ALG1L2: variants seen among roughly 807,000 people sequenced by gnomAD.
The protein encoded by ALG1L2 is putative glycosyltransferase ALG1L2.
A neutral mutation model predicts 29.0 loss-of-function variants in ALG1L2; 32 were observed. The ratio of observed to expected loss-of-function variants is 1.10; its 90% CI spans 0.83 to 1.48. The LOEUF (loss-of-function observed/expected upper bound fraction) is 1.48, where lower values mean the gene tolerates loss of function less well. Ranked by LOEUF, ALG1L2 falls within the 40% of genes most tolerant of loss-of-function variation. ALG1L2 has a pLI of 0.00. For missense variants in ALG1L2, 318 were observed against 274.1 expected, an observed-to-expected ratio of 1.16 and a Z score of -1.13; for synonymous variants, 110 against 109.5, an observed-to-expected ratio of 1.00 and a Z score of -0.03.
At chr3:130,082,484 C>T (rs1422179327) in intron 1 of ALG1L2, among the ~76,000 whole-genome samples, 1 of 132,890 alleles carries the variant, frequency 7.5e-6, no homozygotes, top group Non-Finnish European at 1.8e-5. Flanking sequence ...ACTACAGCCA[C>T]CTGCCACCAC....
rs144927904 is a variant in ALG1L2, at chr3:130,082,724, G to A, written c.20+688G>A. Among the ~76,000 whole-genome samples the A allele has an allele frequency of 3.0e-4, 45 of 148,994 alleles. No homozygotes were observed. The South Asian group carries it at 6.0e-3, about 20-fold the overall frequency. Reference sequence around the variant, plus strand: ...GACACCAACAATATGAGTTACCCCCGTCCCTTGCCACCGCACTCCCCATGG... The same window carrying A: ...GACACCAACAATATGAGTTACCCCCATCCCTTGCCACCGCACTCCCCATGG... On this transcript the variant is annotated intron_variant, in intron 1 of 7. Coordinates refer to ENST00000425059, the MANE Select transcript of ALG1L2 (RefSeq NM_001136152.1).
intron 1 of ALG1L2, among the ~76,000 whole-genome samples, chr3:130,084,933 T>C (rs1441034869): frequency 4.6e-5 from 6 of 129,432 alleles, no homozygotes; most frequent in Non-Finnish European, 1.1e-4. Context: ...TGTATATATA[T>C]AGAGATATAT....
Position 130,082,042 on chromosome 3 carries a change from C to T in ALG1L2, c.20+6C>T. ...ATGGGAGCTACTGCAGGCTGGTAAGCAGGGGGGTGGTGCTGGTTGGATTGC... is the reference window on the plus strand; with the variant it reads ...ATGGGAGCTACTGCAGGCTGGTAAGTAGGGGGGTGGTGCTGGTTGGATTGC... On this transcript the variant is annotated splice_donor_region_variant and intron_variant, in intron 1 of 7. Coordinates refer to ENST00000425059, the MANE Select transcript of ALG1L2 (RefSeq NM_001136152.1). 2.0e-6 allele frequency: 3 copies of T among 1,505,688 alleles called. No individual in the cohort carries two copies. The highest frequency in any genetic ancestry group is 1.8e-6 in the Non-Finnish European group (2 of 1,108,402). The allele number at this position is 1,505,688 out of a possible 1,614,324, so 93.3% of individuals were successfully genotyped here.
intron 4 of ALG1L2, among the ~76,000 whole-genome samples, chr3:130,093,491 A>C (rs1273675840): frequency 3.4e-5 from 5 of 147,098 alleles, no homozygotes; most frequent in Non-Finnish European, 5.9e-5. Flanking sequence ...CAGTGGTGCG[A>C]TCTCAGCTCA....
At chr3:130,092,487 C>T (rs1334442968) in intron 3 of ALG1L2, among the ~76,000 whole-genome samples, 1 of 152,200 alleles carries the variant, frequency 6.6e-6, no homozygotes, top group Non-Finnish European at 1.5e-5. Flanking sequence ...CTCGTCGGGG[C>T]CACTGAGCTG....
rs1159292938 is a variant in ALG1L2, at chr3:130,092,315, C to T, written c.253+93C>T. Reference sequence around the variant, plus strand: ...CCCCTGCCAGTCCTGCATGCCCCAACCCCACCACGGTCTCAGTGAGAAGGG... The same window carrying T: ...CCCCTGCCAGTCCTGCATGCCCCAATCCCACCACGGTCTCAGTGAGAAGGG... On this transcript the variant is annotated intron_variant, in intron 3 of 7. Transcript: ENST00000425059. 2.5e-6 allele frequency: 4 copies of T among 1,589,994 alleles called. No homozygotes were observed. In the African/African-American group the frequency reaches 4.0e-5, roughly 16 times the overall value.
chr3:130,094,286 G>C (rs1259568240), intron 4 of ALG1L2, 117 bp from the exon 5 acceptor site: 1 of 1,326,444 alleles, frequency 7.5e-7, no homozygotes, highest in Non-Finnish European at 1.1e-6. Context: ...GACTGCAGCT[G>C]CCGAGGGGTG....
intron 3 of ALG1L2, among the ~76,000 whole-genome samples, chr3:130,092,440 A>C (rs999836920): frequency 6.6e-6 from 1 of 152,196 alleles, no homozygotes; most frequent in African/African-American, 2.4e-5. Context: ...TGGCAGCTTT[A>C]GAAAGTAGGT....
chr3:130,084,187 A>G (rs1427756962), intron 1 of ALG1L2, among the ~76,000 whole-genome samples: 1 of 150,900 alleles, frequency 6.6e-6, no homozygotes, highest in African/African-American at 2.4e-5. Flanking sequence ...ACAGCTGGGT[A>G]TGGTGGCTCA....
chr3:130,082,400 C>A (rs375746494), intron 1 of ALG1L2, among the ~76,000 whole-genome samples: 2 of 120,714 alleles, frequency 1.7e-5, no homozygotes, highest in African/African-American at 5.5e-5. Context: ...TGCACTGGCA[C>A]CATCTCGGCT....
intron 1 of ALG1L2, among the ~76,000 whole-genome samples, chr3:130,088,143 G>A (rs114385300): frequency 0.03 from 4,595 of 150,896 alleles, 30 homozygotes; most frequent in Non-Finnish European, 0.045. Context: ...GATGGGAGAC[G>A]TTGCGTCAGA....
intron 1 of ALG1L2, among the ~76,000 whole-genome samples, chr3:130,086,203 C>T (rs533259599): frequency 6.6e-6 from 1 of 151,166 alleles, no homozygotes; most frequent in Admixed American, 6.6e-5. Flanking sequence ...GTCAGCAGCT[C>T]AGGGGATGCC....
rs142951367 is a variant in ALG1L2 at position 130,095,610 on chromosome 3, A to ATT, written c.425-429_425-428dup. On this transcript the variant is annotated intron_variant, in intron 5 of 7. Coordinates refer to ENST00000425059, the MANE Select transcript of ALG1L2 (RefSeq NM_001136152.1). ...TGCCATGACGCTTCGCTAATTTTAC[A>ATT]TTTTTTTTTTTAGTAGAGATGGGGT... Among the ~76,000 whole-genome samples, 24 of 133,412 alleles carry ATT rather than the reference A, an allele frequency of 1.8e-4. 1 individual carries two copies. The highest frequency in any genetic ancestry group is 9.2e-4 in the East Asian group (4 of 4,326). 87.5% of individuals were successfully genotyped at this position (133,412 alleles called of 152,430 possible).
rs371552868 is a variant in ALG1L2, at chr3:130,096,730, C to T, written c.540-445C>T. On this transcript the variant is annotated intron_variant, in intron 6 of 7. Coordinates refer to ENST00000425059, the MANE Select transcript of ALG1L2 (RefSeq NM_001136152.1). ...GCGCCCTTGGCCCCTGCTCAGGAGC[C>T]GGCCCCTGGATGGGATTCAGGGATG... 5.4e-3 allele frequency among the ~76,000 whole-genome samples: 829 copies of T among 152,216 alleles called. 4 individuals are homozygous for T. The highest frequency in any genetic ancestry group is 0.018 in the African/African-American group (742 of 41,522).
intron 2 of ALG1L2, 81 bp from the exon 3 acceptor site, chr3:130,092,020 C>T: frequency 1.3e-6 from 2 of 1,581,434 alleles, no homozygotes; most frequent in Non-Finnish European, 8.6e-7. Context: ...AGCCTGCAGG[C>T]CTCACCATGG....
chr3:130,092,118 C>G lies in ALG1L2; in HGVS notation c.149C>G (p.Pro50Arg), dbSNP rs1466598341. ...TCCTTCAGCTCAGAACCTGAGGACC[C>G]AGACACAGAGCGGTCGGCCTTCACG... ...PFRARSEPED[P>R]DTERSAFTER... Residue 50 changes from proline to arginine, a missense_variant, in exon 3 of 8, where the codon CCA becomes CGA. Physicochemically the swap from Pro to Arg is moderately radical, Grantham distance 103. Transcript: ENST00000425059. The G allele has an allele frequency of 6.2e-7, 1 of 1,613,568 alleles. No individual in the cohort carries two copies. The highest frequency in any genetic ancestry group is 1.7e-5 in the Admixed American group (1 of 59,992).
chr3:130,091,247 T>C lies in ALG1L2; in HGVS notation c.21-14T>C, dbSNP rs1009461254. 3 of 1,597,314 alleles carry C rather than the reference T, an allele frequency of 1.9e-6. No individual in the cohort carries two copies. The highest frequency in any genetic ancestry group is 2.5e-6 in the Non-Finnish European group (3 of 1,178,412). ...CTGGACTAATGCAATAGCCCTGCCA[T>C]GATTTCATTGCAGGGCTGTGACCGT... On this transcript the variant is annotated splice_polypyrimidine_tract_variant and intron_variant, in intron 1 of 7. Coordinates refer to ENST00000425059, the MANE Select transcript of ALG1L2 (RefSeq NM_001136152.1).
At chr3:130,087,776 T>C (rs984652574) in intron 1 of ALG1L2, among the ~76,000 whole-genome samples, 6 of 90,102 alleles carry the variant, frequency 6.7e-5, no homozygotes, top group African/African-American at 2.1e-4. Context: ...ATTAAATGAA[T>C]GAAAAAGTGC....
chr3:130,097,453 A>C (rs1177646423), intron 7 of ALG1L2, among the ~76,000 whole-genome samples: 1 of 152,122 alleles, frequency 6.6e-6, no homozygotes, highest in African/African-American at 2.4e-5. Context: ...TTAGGACACA[A>C]CCCCACCTGC....
Sources: gnomAD v4.1 joint callset for allele counts (sites outside exome capture counted in the v4.1 genomes callset) on GRCh38, gnomAD v4.1.1 for gene constraint, MANE v1.5 for transcripts, NCBI Gene and HGNC (gene_info 2026-07-23, HGNC 2026-07-21) for gene names.